CCS: variants seen among roughly 807,000 people sequenced by gnomAD.
CCS encodes the protein superoxide dismutase copper chaperone.
Under a neutral mutation model 35.5 loss-of-function variants are expected in CCS, and 32 were observed. The ratio of observed to expected loss-of-function variants is 0.90; its 90% confidence interval spans 0.68 to 1.21. The LOEUF (loss-of-function observed/expected upper bound fraction) is 1.21. CCS is among the 50% of genes most tolerant of loss of function. The pLI, the probability that CCS is intolerant of heterozygous loss-of-function variation, is 0.00. For missense variants in CCS, 342 were observed against 375.4 expected, an observed-to-expected ratio of 0.91 and a Z score of 0.73; for synonymous variants, 130 against 147.2, an observed-to-expected ratio of 0.88 and a Z score of 0.84.
At chr11:66,605,315 TAC>T (rs988845539) in intron 5 of CCS, 22 bp from the exon 6 acceptor site, 2 of 1,613,776 alleles carry the variant, frequency 1.2e-6, no homozygotes, top group African/African-American at 2.7e-5. Flanking sequence ...ACATCCCCTA[TAC>T]ACACACTGGA....
chr11:66,598,986 A>G (rs1858525956), intron 2 of CCS, 130 bp from the exon 3 acceptor site: 1 of 1,048,394 alleles, frequency 9.5e-7, no homozygotes, highest in African/African-American at 1.6e-5. Flanking sequence ...CACAGTTACG[A>G]AGTAGCTTGC....
chr11:66,601,388 G>A (rs373156535), intron 5 of CCS, among the ~76,000 whole-genome samples: 6 of 151,926 alleles, frequency 3.9e-5, no homozygotes, highest in East Asian at 3.9e-4. Flanking sequence ...CACTGTGCCC[G>A]GCTCTGACTG....
At position 66,605,615 on chromosome 11, in the gene CCS, G is replaced by A. The variant is rs1458004856; in HGVS notation, c.671+23G>A. On this transcript the variant is annotated intron_variant, in intron 7 of 7. Transcript: ENST00000533244. ...GAGGTGAGTGGTGTCGGCCCCTGTAGGAGGCTGTGCTCTGCGGATGGTGCA... is the reference window on the plus strand; with the variant it reads ...GAGGTGAGTGGTGTCGGCCCCTGTAAGAGGCTGTGCTCTGCGGATGGTGCA... 5.6e-6 allele frequency: 9 copies of A among 1,608,476 alleles called. No homozygotes were observed. The Admixed American group carries it at 8.4e-5, about 15-fold the overall frequency.
At chr11:66,597,816 TCCAGCAC>T (rs1858504871) in intron 2 of CCS, among the ~76,000 whole-genome samples, 1 of 148,354 alleles carries the variant, frequency 6.7e-6, no homozygotes, top group Non-Finnish European at 1.5e-5. Context: ...CGCCTGTAAT[TCCAGCAC>T]TTTGGGAGGC....
Position 66,605,388 on chromosome 11 carries a change from T to C in CCS, c.539T>C (p.Ile180Thr). The C allele has an allele frequency of 6.2e-7, 1 of 1,614,180 alleles. No individual in the cohort carries two copies. The highest frequency in any genetic ancestry group is 8.5e-7 in the Non-Finnish European group (1 of 1,180,030). Residue 180 changes from isoleucine (I) to threonine (T), a missense_variant, in exon 6 of 8, where the codon ATC becomes ACC. Ile to Thr is a moderately conservative substitution (Grantham distance 89). Coordinates refer to ENST00000533244, the MANE Select transcript of CCS (RefSeq NM_005125.2). Reference protein sequence around the residue: ...NVRADADGRAIFRMEDEQLKV... With the variant: ...NVRADADGRATFRMEDEQLKV... ...CGTGCTGATGCTGACGGCCGCGCCA[T>C]CTTCAGAATGGAGGATGAGCAGCTG...
intron 5 of CCS, among the ~76,000 whole-genome samples, chr11:66,600,996 G>C (rs1248036644): frequency 6.6e-6 from 1 of 152,220 alleles, no homozygotes; most frequent in Admixed American, 6.5e-5. Context: ...TTTCAGCAGA[G>C]AATCATTTCC....
chr11:66,593,469 G>C, intron 1 of CCS, 169 bp downstream of exon 1: 1 of 920,240 alleles, frequency 1.1e-6, no homozygotes, highest in South Asian at 1.6e-5. Context: ...GTGTTGGGGG[G>C]TGACTCCCAT....
In CCS at chr11:66,593,206, G is replaced by A. The variant is rs1858410696; in HGVS notation, c.-56G>A. 2 of 1,544,582 alleles carry A rather than the reference G, an allele frequency of 1.3e-6. No individual in the cohort carries two copies. The highest frequency in any genetic ancestry group is 1.2e-5 in the South Asian group (1 of 83,992). ...GCTCAGTCCCCGCGACGCCGCGCTG[G>A]TTGGTGCTCCTGCGCCGGAGGAGTT... On this transcript the variant is annotated 5_prime_UTR_variant, in exon 1 of 8. Coordinates refer to ENST00000533244, the MANE Select transcript of CCS (RefSeq NM_005125.2).
intron 2 of CCS, among the ~76,000 whole-genome samples, chr11:66,598,819 C>A (rs1354456676): frequency 3.3e-5 from 5 of 150,774 alleles, no homozygotes; most frequent in African/African-American, 4.9e-5. Flanking sequence ...AAAAAAAAAA[C>A]AAAACACTGC....
chr11:66,605,361 T>G lies in CCS; in HGVS notation c.512T>G (p.Val171Gly), dbSNP rs986521418. Residue 171 changes from valine to glycine, a missense_variant, in exon 6 of 8, where the codon GTC becomes GGC. By Grantham distance (109) the Val-to-Gly change is moderately radical (BLOSUM62 -3). Transcript: ENST00000533244. Reference sequence around the variant, plus strand: ...CAGCACCGCGGAGACCTGGGCAATGTCCGTGCTGATGCTGACGGCCGCGCC... The same window carrying G: ...CAGCACCGCGGAGACCTGGGCAATGGCCGTGCTGATGCTGACGGCCGCGCC... The part of the protein sequence containing the change: ...SDRHRGDLGN[V>G]RADADGRAIF... The G allele has an allele frequency of 3.7e-6, 6 of 1,614,144 alleles. No individual in the cohort carries two copies. Among genetic ancestry groups the G allele is most frequent in the Non-Finnish European group, 5.1e-6 (6 of 1,180,018 alleles).
At chr11:66,601,667 C>T (rs557079549) in intron 5 of CCS, among the ~76,000 whole-genome samples, 41 of 151,792 alleles carry the variant, frequency 2.7e-4, no homozygotes, top group Non-Finnish European at 3.8e-4. Flanking sequence ...CTCATGGGCT[C>T]AAGCAATCCT....
intron 5 of CCS, 71 bp downstream of exon 5, chr11:66,600,620 C>A: frequency 1.4e-6 from 1 of 737,562 alleles, no homozygotes; most frequent in South Asian, 2.3e-5. Flanking sequence ...GCAGGCAGCT[C>A]TTGGGATCAT....
chr11:66,593,614 C>T (rs755376705), intron 1 of CCS, 28 bp from the exon 2 acceptor site: 2 of 1,610,748 alleles, frequency 1.2e-6, no homozygotes, highest in East Asian at 4.5e-5. Flanking sequence ...CCCCAGCGAT[C>T]ATCGGTTGGT....
chr11:66,605,510 A>G lies in CCS; in HGVS notation c.589A>G (p.Ser197Gly), dbSNP rs779434367. The G allele has an allele frequency of 1.6e-5, 26 of 1,613,968 alleles. No individual in the cohort carries two copies. Among genetic ancestry groups the G allele is most frequent in the Non-Finnish European group, 2.0e-5 (24 of 1,179,986 alleles). ...QLKVWDVIGR[S>G]LIIDEGEDDL... Reference sequence around the variant, plus strand: ...AAAGGTGTGGGATGTGATTGGCCGCAGCCTGATTATTGATGAGGGAGAAGA... The same window carrying G: ...AAAGGTGTGGGATGTGATTGGCCGCGGCCTGATTATTGATGAGGGAGAAGA... Residue 197 changes from serine (S) to glycine (G), a missense_variant, in exon 7 of 8, where the codon AGC (serine) becomes GGC (glycine). Transcript: ENST00000533244.
chr11:66,599,764 G>T (rs1858543552), intron 4 of CCS, 128 bp downstream of exon 4: 3 of 900,450 alleles, frequency 3.3e-6, no homozygotes, highest in Non-Finnish European at 3.4e-6. Flanking sequence ...GGCTCACAGA[G>T]GTTAAATGAC....
In CCS at chr11:66,605,724, C is replaced by G. The variant is rs774566620; in HGVS notation, c.694C>G (p.Arg232Gly). Residue 232 changes from arginine (R) to glycine (G), a missense_variant, in exon 8 of 8, where the codon CGC (arginine) becomes GGC (glycine). Arg to Gly is a moderately radical substitution (Grantham distance 125). Coordinates refer to ENST00000533244, the MANE Select transcript of CCS (RefSeq NM_005125.2). ...CAGGTTGGCCTGTGGCATCATTGCACGCTCCGCTGGCCTTTTCCAGAACCC... is the reference window on the plus strand; with the variant it reads ...CAGGTTGGCCTGTGGCATCATTGCAGGCTCCGCTGGCCTTTTCCAGAACCC... Reference protein sequence around the residue: ...GERLACGIIARSAGLFQNPKQ... With the variant: ...GERLACGIIAGSAGLFQNPKQ... 1 of 1,592,644 alleles carries G rather than the reference C, an allele frequency of 6.3e-7. No homozygotes were observed. The highest frequency in any genetic ancestry group is 1.1e-5 in the South Asian group (1 of 88,582).
chr11:66,593,412 G>A lies in CCS; in HGVS notation c.39+112G>A, dbSNP rs1858417128. ...GTGGGCACTTGGGTTGGGGCCTGGGGCCATGGGATGAAACTAGGGTGCGAG... is the reference window on the plus strand; with the variant it reads ...GTGGGCACTTGGGTTGGGGCCTGGGACCATGGGATGAAACTAGGGTGCGAG... On this transcript the variant is annotated intron_variant, in intron 1 of 7. Coordinates refer to ENST00000533244, the MANE Select transcript of CCS (RefSeq NM_005125.2). The A allele has an allele frequency of 4.2e-6, 5 of 1,202,168 alleles. No individual in the cohort carries two copies. In the South Asian group the frequency reaches 7.6e-5, roughly 18 times the overall value. 74.5% of individuals were successfully genotyped at this position (1,202,168 alleles called of 1,614,324 possible). A position where few individuals can be genotyped will look rare whatever the true frequency, so the allele number is the denominator to read the frequency against.
At chr11:66,597,255 G>A (rs1201246660) in intron 2 of CCS, among the ~76,000 whole-genome samples, 3 of 151,944 alleles carry the variant, frequency 2.0e-5, no homozygotes, top group African/African-American at 7.3e-5. Flanking sequence ...TGAGGAGATC[G>A]AGACCATTCT....
At chr11:66,605,258 G>C in intron 5 of CCS, 81 bp from the exon 6 acceptor site, 1 of 1,588,474 alleles carries the variant, frequency 6.3e-7, no homozygotes, top group South Asian at 1.1e-5. Flanking sequence ...AGGAAGAGGC[G>C]TCGGAATCAG....
Sources: gnomAD v4.1 joint callset for allele counts (sites outside exome capture counted in the v4.1 genomes callset) on GRCh38, gnomAD v4.1.1 for gene constraint, MANE v1.5 for transcripts, NCBI Gene and HGNC (gene_info 2026-07-23, HGNC 2026-07-21) for gene names.